Variants in EFCAB11 observed in about 807,000 individuals in gnomAD.
EFCAB11 encodes the protein EF-hand calcium-binding domain-containing protein 11.
In EFCAB11, 14 loss-of-function variants were observed where a neutral mutation model predicts 23.0. The ratio of observed to expected loss-of-function variants is 0.61; its 90% CI spans 0.40 to 0.95. The LOEUF (loss-of-function observed/expected upper bound fraction) is 0.95, where lower values mean the gene tolerates loss of function less well. Among genes scored for constraint, EFCAB11 ranks in the 40% least tolerant of loss-of-function variants. The pLI is 0.00. For synonymous variants in EFCAB11, 65 were observed against 66.6 expected (o/e 0.98, Z 0.11); for missense variants, 198 against 195.8 (o/e 1.01, Z -0.07).
chr14:89,910,651 A>G (rs1889649090), intron 5 of EFCAB11, among the ~76,000 whole-genome samples: 1 of 148,836 alleles, frequency 6.7e-6, no homozygotes. Flanking sequence ...ACATACATAA[A>G]AATGTCTAGA....
In EFCAB11 at chr14:89,924,263, T is replaced by C. The variant is rs908328608; in HGVS notation, c.410+7278A>G. 4 of 997,898 alleles carry C rather than the reference T, an allele frequency of 4.0e-6. No homozygotes were observed. The African/African-American group carries it at 7.0e-5, about 17-fold the overall frequency. The allele number at this position is 997,898 out of a possible 1,614,324, so 61.8% of individuals were successfully genotyped here. A position where few individuals can be genotyped will look rare whatever the true frequency, so the allele number is the denominator to read the frequency against. ...CCTTGTGTAATATGAAGAAAGGGAT[T>C]CTTACACCAAAAATATCAGGATATA... is the stretch of plus-strand genomic sequence containing the variant. On this transcript the variant is annotated intron_variant, in intron 5 of 5. Coordinates refer to ENST00000316738, the MANE Select transcript of EFCAB11 (RefSeq NM_145231.4).
intron 5 of EFCAB11, among the ~76,000 whole-genome samples, chr14:89,895,633 C>G (rs1889128676): frequency 6.6e-6 from 1 of 152,140 alleles, no homozygotes; most frequent in South Asian, 2.1e-4. Flanking sequence ...CACACACGCC[C>G]TATTCATAAA....
intron 5 of EFCAB11, among the ~76,000 whole-genome samples, chr14:89,851,859 G>A (rs1887609996): frequency 1.3e-5 from 2 of 152,060 alleles, no homozygotes; most frequent in African/African-American, 2.4e-5. Context: ...GCAGACGGAA[G>A]AGTCACCAAA....
chr14:89,812,244 T>A (rs974860603), intron 5 of EFCAB11, among the ~76,000 whole-genome samples: 2 of 152,170 alleles, frequency 1.3e-5, no homozygotes, highest in South Asian at 4.1e-4. Flanking sequence ...AATACCTTAA[T>A]AAGAAATGTG....
chr14:89,796,932 G>C lies in EFCAB11; in HGVS notation c.*311C>G. On this transcript the variant is annotated 3_prime_UTR_variant, in exon 6 of 6. Transcript: ENST00000316738. ...AGCAATGGCGGCCTGACTCAGGGCT[G>C]CTGGCCACACAGAAGGAGACCCCCG... 5.0e-6 allele frequency: 1 copy of C among 200,560 alleles called. No individual in the cohort carries two copies. The highest frequency in any genetic ancestry group is 1.0e-5 in the Non-Finnish European group (1 of 96,492). The allele number at this position is 200,560 out of a possible 1,614,324, so 12.4% of individuals were successfully genotyped here. A position where few individuals can be genotyped will look rare whatever the true frequency, so the allele number is the denominator to read the frequency against.
chr14:89,822,733 G>A (rs755821111), intron 5 of EFCAB11, among the ~76,000 whole-genome samples: 2 of 152,158 alleles, frequency 1.3e-5, no homozygotes, highest in African/African-American at 4.8e-5. Flanking sequence ...TGCATGCTGA[G>A]GTTCTGACTA....
intron 5 of EFCAB11, among the ~76,000 whole-genome samples, chr14:89,918,668 G>A (rs1487611933): frequency 6.6e-6 from 1 of 152,114 alleles, no homozygotes; most frequent in African/African-American, 2.4e-5. Flanking sequence ...CACCTGCAAA[G>A]CACAGTAGTG....
chr14:89,820,303 T>C (rs1192570369), intron 5 of EFCAB11, among the ~76,000 whole-genome samples: 1 of 152,198 alleles, frequency 6.6e-6, no homozygotes. Flanking sequence ...CCAAAGGAGT[T>C]GGGAAGTCCT....
chr14:89,870,008 C>T (rs1439326530), intron 5 of EFCAB11, among the ~76,000 whole-genome samples: 7 of 152,190 alleles, frequency 4.6e-5, no homozygotes, highest in Non-Finnish European at 2.9e-5. Context: ...ATCCTTCTTT[C>T]TCCTGACCAG....
intron 5 of EFCAB11, among the ~76,000 whole-genome samples, chr14:89,921,645 G>T (rs990539234): frequency 1.3e-5 from 2 of 152,174 alleles, no homozygotes; most frequent in African/African-American, 4.8e-5. Context: ...TAGCCTGATG[G>T]AGGAGAACGA....
chr14:89,857,853 G>C (rs1035861884), intron 5 of EFCAB11, among the ~76,000 whole-genome samples: 1 of 152,018 alleles, frequency 6.6e-6, no homozygotes, highest in Non-Finnish European at 1.5e-5. Flanking sequence ...TTTTACTACT[G>C]TATCTCATTA....
intron 5 of EFCAB11, among the ~76,000 whole-genome samples, chr14:89,915,411 ACCT>A (rs1001489503): frequency 6.6e-6 from 1 of 152,236 alleles, no homozygotes; most frequent in African/African-American, 2.4e-5. Flanking sequence ...CTCCTGGTTA[ACCT>A]TCTGTTCTTT....
At chr14:89,931,968 T>C (rs1171564976) in intron 4 of EFCAB11, among the ~76,000 whole-genome samples, 1 of 152,166 alleles carries the variant, frequency 6.6e-6, no homozygotes, top group Non-Finnish European at 1.5e-5. Context: ...GCCAAAACAA[T>C]GCAGTCTTCA....
intron 5 of EFCAB11, among the ~76,000 whole-genome samples, chr14:89,801,509 G>A (rs1885779868): frequency 6.6e-6 from 1 of 152,134 alleles, no homozygotes; most frequent in Admixed American, 6.5e-5. Context: ...CAAGAATCTT[G>A]GGAAGTGCTT....
chr14:89,834,956 G>T (rs1887024728), intron 5 of EFCAB11, among the ~76,000 whole-genome samples: 1 of 152,206 alleles, frequency 6.6e-6, no homozygotes, highest in South Asian at 2.1e-4. Context: ...GAAGCGGGCA[G>T]TGGTTAGTGC....
intron 3 of EFCAB11, among the ~76,000 whole-genome samples, chr14:89,936,928 G>C (rs1023719125): frequency 6.6e-6 from 1 of 152,118 alleles, no homozygotes; most frequent in Non-Finnish European, 1.5e-5. Context: ...ACTGACATCA[G>C]ATTTCATACC....
At chr14:89,908,187 C>A (rs1455367658) in intron 5 of EFCAB11, among the ~76,000 whole-genome samples, 1 of 152,162 alleles carries the variant, frequency 6.6e-6, no homozygotes, top group Non-Finnish European at 1.5e-5. Flanking sequence ...CTCCCACTTT[C>A]CCTAGGGTTA....
intron 3 of EFCAB11, among the ~76,000 whole-genome samples, chr14:89,946,498 T>C (rs1236279419): frequency 6.6e-6 from 1 of 152,184 alleles, no homozygotes; most frequent in African/African-American, 2.4e-5. Context: ...AATGATTGGA[T>C]TTAAATCTAC....
chr14:89,949,985 A>G (rs1465771629), intron 3 of EFCAB11, 112 bp downstream of exon 3: 3 of 1,169,132 alleles, frequency 2.6e-6, no homozygotes, highest in Non-Finnish European at 3.6e-6. Context: ...ACCTTCCACC[A>G]GGTCCCTTCC....
Sources: allele counts gnomAD v4.1 joint callset (sites outside exome capture counted in the v4.1 genomes callset), GRCh38; gene constraint gnomAD v4.1.1; transcripts MANE v1.5; gene names NCBI Gene and HGNC (gene_info 2026-07-23, HGNC 2026-07-21).